CNTN4: variants seen among roughly 807,000 people sequenced by gnomAD.
CNTN4 encodes contactin 4, also known as contactin-4.
Under a neutral mutation model 122.5 loss-of-function variants are expected in CNTN4, and 77 were observed. The observed-to-expected ratio is 0.63, with a 90% CI of 0.52 to 0.76. CNTN4 has a LOEUF of 0.76. Ranked by LOEUF, CNTN4 falls within the 30% of genes least tolerant of loss-of-function variation. CNTN4 has a pLI of 0.00. For synonymous variants in CNTN4, 512 were observed against 447.0 expected, an observed-to-expected ratio of 1.15 and a Z score of -1.83; for missense variants, 1,256 against 1,259.1, an observed-to-expected ratio of 1.00 and a Z score of 0.04.
At chr3:2,594,085 A>G (rs1377821045) in intron 4 of CNTN4, among the ~76,000 whole-genome samples, 1 of 152,164 alleles carries the variant, frequency 6.6e-6, no homozygotes, top group Non-Finnish European at 1.5e-5. Context: ...ATTGGCGTAT[A>G]TTCAAGATAC....
intron 2 of CNTN4, among the ~76,000 whole-genome samples, chr3:2,184,921 G>A (rs180863410): frequency 1.3e-5 from 2 of 152,190 alleles, no homozygotes; most frequent in African/African-American, 2.4e-5. Context: ...CAAAAATTCA[G>A]GTCCTCAAAA....
chr3:2,656,645 G>C (rs988318087), intron 4 of CNTN4, among the ~76,000 whole-genome samples: 1 of 152,218 alleles, frequency 6.6e-6, no homozygotes, highest in Admixed American at 6.5e-5. Flanking sequence ...ATAAATTATT[G>C]AGAGGTCAAG....
chr3:2,195,428 A>G (rs1445442770), intron 2 of CNTN4, among the ~76,000 whole-genome samples: 1 of 152,224 alleles, frequency 6.6e-6, no homozygotes, highest in Non-Finnish European at 1.5e-5. Flanking sequence ...GTTCCTTTGG[A>G]TATATAACCA....
At chr3:2,177,926 C>G (rs903684972) in intron 2 of CNTN4, among the ~76,000 whole-genome samples, 1 of 152,008 alleles carries the variant, frequency 6.6e-6, no homozygotes, top group Non-Finnish European at 1.5e-5. Flanking sequence ...CCTTGCTTTT[C>G]TTTCTCTATC....
intron 2 of CNTN4, among the ~76,000 whole-genome samples, chr3:2,125,893 T>TC (rs2034117421): frequency 1.0e-5 from 1 of 96,640 alleles, no homozygotes; most frequent in Admixed American, 1.2e-4. Context: ...TTTTTATTTC[T>TC]GGTGTGTGTG....
At chr3:2,558,358 C>A (rs2078808958) in intron 3 of CNTN4, among the ~76,000 whole-genome samples, 1 of 152,170 alleles carries the variant, frequency 6.6e-6, no homozygotes, top group East Asian at 1.9e-4. Flanking sequence ...TTTCTTCTTA[C>A]TCTTCTTGAG....
chr3:2,315,313 G>A (rs1460775582), intron 2 of CNTN4, among the ~76,000 whole-genome samples: 1 of 151,892 alleles, frequency 6.6e-6, no homozygotes, highest in Non-Finnish European at 1.5e-5. Flanking sequence ...CCACTTGTAT[G>A]AATTAAGGTG....
chr3:2,733,545 T>TG lies in CNTN4; in HGVS notation c.56-2670_56-2669insG, dbSNP rs1408339203. On this transcript the variant is annotated intron_variant, in intron 4 of 24. Coordinates refer to ENST00000418658, the MANE Select transcript of CNTN4 (RefSeq NM_175607.3). The stretch of plus-strand genomic sequence containing the variant: ...GTGCATGTTTGTGTTTTTTTTTTTT[T>TG]TTTTTTGAGACAGAGTCTCACAGCA... Among the ~76,000 whole-genome samples, 6 of 149,218 alleles carry TG rather than the reference T, an allele frequency of 4.0e-5. No individual in the cohort carries two copies. The East Asian group carries it at 1.2e-3, about 29-fold the overall frequency.
intron 2 of CNTN4, among the ~76,000 whole-genome samples, chr3:2,302,682 T>C (rs938015591): frequency 6.6e-6 from 1 of 152,240 alleles, no homozygotes; most frequent in African/African-American, 2.4e-5. Flanking sequence ...TATTTTATCA[T>C]TGGAAATGCA....
chr3:2,196,355 A>T (rs1311471846), intron 2 of CNTN4, among the ~76,000 whole-genome samples: 3 of 152,164 alleles, frequency 2.0e-5, no homozygotes, highest in Middle Eastern at 3.2e-3. Flanking sequence ...GGCTTCTATC[A>T]TGGACTTTAA....
At chr3:3,023,456 T>C (rs930422052) in intron 14 of CNTN4, among the ~76,000 whole-genome samples, 5 of 152,180 alleles carry the variant, frequency 3.3e-5, no homozygotes, top group African/African-American at 1.2e-4. Context: ...TCCCTACATG[T>C]GCATAAAGAG....
At chr3:2,240,384 T>C (rs1317189969) in intron 2 of CNTN4, among the ~76,000 whole-genome samples, 2 of 152,118 alleles carry the variant, frequency 1.3e-5, no homozygotes, top group African/African-American at 4.8e-5. Context: ...TAAATGCTCC[T>C]TTTGTTCCTG....
chr3:2,359,687 C>T (rs1456375370), intron 3 of CNTN4, among the ~76,000 whole-genome samples: 2 of 152,038 alleles, frequency 1.3e-5, no homozygotes, highest in Non-Finnish European at 1.5e-5. Context: ...CTACAGGCGC[C>T]CACCACCACG....
At chr3:2,458,170 T>C (rs9873257) in intron 3 of CNTN4, among the ~76,000 whole-genome samples, 72,549 of 151,998 alleles carry the variant, frequency 0.48, 18,172 homozygotes, top group East Asian at 0.77. Flanking sequence ...ATTTATTAGC[T>C]GGAGATGTGC....
chr3:2,652,107 A>G (rs764690713), intron 4 of CNTN4, among the ~76,000 whole-genome samples: 46 of 151,992 alleles, frequency 3.0e-4, no homozygotes, highest in Non-Finnish European at 8.8e-5. Flanking sequence ...GCTCCTACCA[A>G]CATTTTTCGA....
At chr3:2,700,597 T>C (rs2086298980) in intron 4 of CNTN4, among the ~76,000 whole-genome samples, 1 of 152,162 alleles carries the variant, frequency 6.6e-6, no homozygotes. Flanking sequence ...CTAAGTTGGT[T>C]TGAAATTAGC....
chr3:2,988,570 G>T (rs1432455418), intron 14 of CNTN4, 98 bp downstream of exon 14: 2 of 1,238,048 alleles, frequency 1.6e-6, no homozygotes, highest in South Asian at 1.2e-5. Context: ...AATATGTACA[G>T]ATACCACTGT....
chr3:2,915,221 A>G (rs1319345029), intron 12 of CNTN4, among the ~76,000 whole-genome samples: 1 of 152,124 alleles, frequency 6.6e-6, no homozygotes, highest in Non-Finnish European at 1.5e-5. Flanking sequence ...GCATGCCAAC[A>G]TGGCTGGCTA....
rs1701827471 is a variant in CNTN4 at position 3,056,776 on chromosome 3, G to A, written c.*556G>A. 6.5e-6 allele frequency: 1 copy of A among 153,588 alleles called. No individual in the cohort carries two copies. Among genetic ancestry groups the A allele is most frequent in the Non-Finnish European group, 1.5e-5 (1 of 68,714 alleles). The allele number at this position is 153,588 out of a possible 1,614,324, so 9.5% of individuals were successfully genotyped here. ...TTCTAGTGGTTAATGCACTTGACAT[G>A]TACAGTATGTTTCCCATGCCGTTGT... On this transcript the variant is annotated 3_prime_UTR_variant, in exon 25 of 25. Coordinates refer to ENST00000418658, the MANE Select transcript of CNTN4 (RefSeq NM_175607.3).
Sources: allele counts gnomAD v4.1 joint callset (sites outside exome capture counted in the v4.1 genomes callset), GRCh38; gene constraint gnomAD v4.1.1; transcripts MANE v1.5; gene names NCBI Gene and HGNC (gene_info 2026-07-23, HGNC 2026-07-21).